NUGGC: variants seen among roughly 807,000 people sequenced by gnomAD.
The protein encoded by NUGGC is nuclear GTPase SLIP-GC.
Under a neutral mutation model 92.6 loss-of-function variants are expected in NUGGC, and 58 were observed. The observed-to-expected ratio is 0.63, with a 90% confidence interval of 0.51 to 0.78. The LOEUF (loss-of-function observed/expected upper bound fraction) is 0.78, where lower values mean the gene tolerates loss of function less well. Ranked by LOEUF, NUGGC falls within the 30% of genes least tolerant of loss-of-function variation. The probability of loss-of-function intolerance (pLI) is 0.00; values close to 1 mark genes in which losing one functional copy is unlikely to be tolerated. For synonymous variants in NUGGC, 376 were observed against 366.4 expected, an observed-to-expected ratio of 1.03 and a Z score of -0.30; for missense variants, 925 against 964.6, an observed-to-expected ratio of 0.96 and a Z score of 0.54.
intron 14 of NUGGC, among the ~76,000 whole-genome samples, chr8:28,032,081 T>G (rs888180961): frequency 6.6e-6 from 1 of 152,290 alleles, no homozygotes; most frequent in East Asian, 1.9e-4. Context: ...ACCTGCTGGG[T>G]GGGCTACAGC....
intron 12 of NUGGC, among the ~76,000 whole-genome samples, chr8:28,043,373 A>C (rs755632376): frequency 2.0e-5 from 3 of 152,154 alleles, no homozygotes; most frequent in Non-Finnish European, 2.9e-5. Flanking sequence ...TCAAACTCCA[A>C]ATTTTTGGTT....
intron 7 of NUGGC, among the ~76,000 whole-genome samples, chr8:28,063,427 A>G (rs1810357486): frequency 6.6e-6 from 1 of 152,204 alleles, no homozygotes; most frequent in Non-Finnish European, 1.5e-5. Context: ...GAACTAGCCA[A>G]GATTCGCGAT....
At chr8:28,067,892 T>C in intron 5 of NUGGC, 148 bp from the exon 6 acceptor site, 1 of 670,278 alleles carries the variant, frequency 1.5e-6, no homozygotes. Context: ...AAGAGGGGAA[T>C]GGCTTGCCCA....
intron 10 of NUGGC, 24 bp downstream of exon 10, chr8:28,055,941 A>G: frequency 1.6e-6 from 2 of 1,286,422 alleles, no homozygotes; most frequent in South Asian, 2.6e-5. Flanking sequence ...ACAGAAAAAC[A>G]CATAGAGAAA....
chr8:28,074,298 A>G (rs1810665581), intron 2 of NUGGC, 70 bp downstream of exon 2: 3 of 1,054,562 alleles, frequency 2.8e-6, no homozygotes, highest in African/African-American at 1.6e-5. Context: ...GTCCCAACCT[A>G]TTTGCCTTTT....
At chr8:28,033,728 A>G (rs754549510) in intron 13 of NUGGC, 31 bp from the exon 14 acceptor site, 1 of 1,605,074 alleles carries the variant, frequency 6.2e-7, no homozygotes, top group South Asian at 1.1e-5. Flanking sequence ...TAGCAGAGTT[A>G]GGCATTAACT....
chr8:28,080,296 G>T (rs1435681330), intron 1 of NUGGC, among the ~76,000 whole-genome samples: 2 of 152,220 alleles, frequency 1.3e-5, no homozygotes, highest in Non-Finnish European at 2.9e-5. Context: ...CAGAGAGAGA[G>T]AGAGAGACTA....
chr8:28,044,617 C>T lies in NUGGC; in HGVS notation c.1446+910G>A, dbSNP rs181781968. Reference sequence around the variant, plus strand: ...ATTAGGGAAGTTATTCATCAAGTCCCGGCCATCTGGTGCTGATTGTTACAG... The same window carrying T: ...ATTAGGGAAGTTATTCATCAAGTCCTGGCCATCTGGTGCTGATTGTTACAG... On this transcript the variant is annotated intron_variant, in intron 12 of 18. Transcript: ENST00000413272. Among the ~76,000 whole-genome samples, 490 of 152,260 alleles carry T rather than the reference C, an allele frequency of 3.2e-3. 1 individual carries two copies. The highest frequency in any genetic ancestry group is 0.011 in the African/African-American group (457 of 41,534).
chr8:28,075,223 T>G (rs1223440834), intron 1 of NUGGC, among the ~76,000 whole-genome samples: 1 of 152,108 alleles, frequency 6.6e-6, no homozygotes, highest in Non-Finnish European at 1.5e-5. Flanking sequence ...ATGCAGTGAC[T>G]TGGTTCCCTG....
At chr8:28,030,222 G>A (rs1809380037) in intron 16 of NUGGC, 88 bp downstream of exon 16, 1 of 732,194 alleles carries the variant, frequency 1.4e-6, no homozygotes, top group Non-Finnish European at 2.5e-6. Flanking sequence ...AGAGAACAGG[G>A]CCTTTGAGGG....
chr8:28,073,996 A>C (rs991441820), intron 2 of NUGGC, among the ~76,000 whole-genome samples: 19 of 151,230 alleles, frequency 1.3e-4, no homozygotes, highest in Non-Finnish European at 2.5e-4. Context: ...ATGGGATTTC[A>C]CCATGTTGGT....
rs143160215 is a variant in NUGGC, at chr8:28,031,033, A to T, written c.1908+210T>A. ...GCACTCTCAGTTGCTTCACAGTGGA[A>T]CAAAATGTCCCACACCTCCTCCAAG... On this transcript the variant is annotated intron_variant, in intron 15 of 18. Transcript: ENST00000413272. 2.6e-5 allele frequency among the ~76,000 whole-genome samples: 4 copies of T among 152,322 alleles called. No homozygotes were observed. The East Asian group carries it at 5.8e-4, about 22-fold the overall frequency.
At chr8:28,056,591 A>G (rs915833062) in intron 9 of NUGGC, among the ~76,000 whole-genome samples, 2 of 152,164 alleles carry the variant, frequency 1.3e-5, no homozygotes, top group Non-Finnish European at 2.9e-5. Flanking sequence ...AAGATTTGCA[A>G]CAATCTGAAA....
At chr8:28,027,143 C>CG in intron 17 of NUGGC, 91 bp from the exon 18 acceptor site, 1 of 1,055,900 alleles carries the variant, frequency 9.5e-7, no homozygotes, top group South Asian at 1.3e-5. Context: ...CCCCCAGCCA[C>CG]GGAAGGTACA....
intron 1 of NUGGC, among the ~76,000 whole-genome samples, chr8:28,075,541 T>C (rs953184817): frequency 2.0e-5 from 3 of 152,200 alleles, no homozygotes; most frequent in African/African-American, 7.2e-5. Flanking sequence ...AGGTGCTTAC[T>C]TGCCGTTACC....
intron 2 of NUGGC, among the ~76,000 whole-genome samples, chr8:28,073,981 T>C (rs1274555007): frequency 6.6e-6 from 1 of 152,012 alleles, no homozygotes; most frequent in Non-Finnish European, 1.5e-5. Flanking sequence ...GTATTTTTAG[T>C]AGAGATGGGA....
At chr8:28,031,158 G>A (rs1809407460) in intron 15 of NUGGC, 85 bp downstream of exon 15, 3 of 1,475,768 alleles carry the variant, frequency 2.0e-6, no homozygotes, top group Non-Finnish European at 2.8e-6. Flanking sequence ...AGGGAACAAG[G>A]GAACAGACAG....
intron 16 of NUGGC, 123 bp downstream of exon 16, chr8:28,030,187 G>C: frequency 3.1e-6 from 2 of 645,156 alleles, no homozygotes; most frequent in Non-Finnish European, 5.7e-6. Context: ...TGTGGACTGA[G>C]AGTGCTGCAA....
chr8:28,055,256 A>AAAT (rs1184821336), intron 10 of NUGGC, among the ~76,000 whole-genome samples: 1 of 152,096 alleles, frequency 6.6e-6, no homozygotes, highest in Non-Finnish European at 1.5e-5. Flanking sequence ...AAGTCTCAAA[A>AAAT]AATAATAATA....
Sources: gnomAD v4.1 joint callset for allele counts (sites outside exome capture counted in the v4.1 genomes callset) on GRCh38, gnomAD v4.1.1 for gene constraint, MANE v1.5 for transcripts, NCBI Gene and HGNC (gene_info 2026-07-23, HGNC 2026-07-21) for gene names.